The following ZNF75A variants were observed in gnomAD, a reference collection of about 807,000 sequenced individuals.
The protein encoded by ZNF75A is zinc finger protein 75A.
In ZNF75A, 36 loss-of-function variants were observed where a neutral mutation model predicts 46.3. That is an observed-to-expected ratio of 0.78 (90% confidence interval 0.60 to 1.03). The LOEUF (loss-of-function observed/expected upper bound fraction) is 1.03. Among genes scored for constraint, ZNF75A ranks in the 50% least tolerant of loss-of-function variants. The probability of loss-of-function intolerance (pLI) is 0.00; values close to 1 mark genes in which losing one functional copy is unlikely to be tolerated. For synonymous variants in ZNF75A, 234 were observed against 189.9 expected (o/e 1.23, Z -1.91); for missense variants, 595 against 551.3 (o/e 1.08, Z -0.79).
chr16:3,310,686 A>G (rs1408865320), intron 2 of ZNF75A: 4 of 985,434 alleles, frequency 4.1e-6, no homozygotes, highest in Non-Finnish European at 4.8e-6. Context: ...AAAAGAAAAC[A>G]TAGAAAAAAG....
At chr16:3,320,344 A>T (rs1363448682), downstream of ZNF75A, among the ~76,000 whole-genome samples, 2 of 152,214 alleles carry the variant, frequency 1.3e-5, no homozygotes, top group Non-Finnish European at 2.9e-5. Context: ...GCACCTGGCC[A>T]ACCTGGCCTA....
At position 3,316,642 on chromosome 16, in the gene ZNF75A, T is replaced by C. The variant is rs147327832; in HGVS notation, c.824-270T>C. The C allele has an allele frequency of 1.9e-3, 494 of 253,518 alleles. 2 individuals carry two copies. Among genetic ancestry groups the C allele is most frequent in the Admixed American group, 4.6e-3 (92 of 19,946 alleles). The allele number at this position is 253,518 out of a possible 1,614,324, so 15.7% of individuals were successfully genotyped here. On this transcript the variant is annotated intron_variant, in intron 5 of 6. Transcript: ENST00000669516. ...CCCTTGGTTGGATATAGGGTATTGA[T>C]GGCAAAAGAGAGAGAACATGTACTG...
downstream of ZNF75A, among the ~76,000 whole-genome samples, chr16:3,322,676 T>G (rs1291533249): frequency 1.3e-5 from 2 of 152,222 alleles, no homozygotes; most frequent in Non-Finnish European, 2.9e-5. Context: ...TTACAGTGTT[T>G]GGATATGATG....
chr16:3,313,161 C>T lies in ZNF75A; in HGVS notation c.809C>T (p.Thr270Ile). The change falls in exon 5 of 7, where the codon ACT (threonine) becomes ATT (isoleucine). Residue 270 changes from threonine to isoleucine, a missense_variant. Physicochemically the swap from Thr to Ile is moderately conservative, Grantham distance 89. Transcript: ENST00000669516. Reference protein sequence around the residue: ...YNDVMQENYETVISLALFVLP... With the variant: ...YNDVMQENYEIVISLALFVLP... Reference sequence around the variant, plus strand: ...GATGTAATGCAGGAAAACTATGAGACTGTCATCTCTCTAGGTAAAGATTTT... The same window carrying T: ...GATGTAATGCAGGAAAACTATGAGATTGTCATCTCTCTAGGTAAAGATTTT... The T allele has an allele frequency of 6.2e-7, 1 of 1,613,956 alleles. No homozygotes were observed. Among genetic ancestry groups the T allele is most frequent in the Non-Finnish European group, 8.5e-7 (1 of 1,179,906 alleles).
Position 3,318,151 on chromosome 16 carries a change from G to A in ZNF75A, c.*282G>A. On this transcript the variant is annotated 3_prime_UTR_variant, in exon 7 of 7. Coordinates refer to ENST00000669516, the MANE Select transcript of ZNF75A (RefSeq NM_001302109.2). ...GCATGGTCTTCCAAAACAAAAAGCA[G>A]TAACATGCATGTTTAATTGCATACC... 1 of 1,161,246 alleles carries A rather than the reference G, an allele frequency of 8.6e-7. No individual in the cohort carries two copies. Among genetic ancestry groups the A allele is most frequent in the Non-Finnish European group, 1.1e-6 (1 of 942,662 alleles). 71.9% of individuals were successfully genotyped at this position (1,161,246 alleles called of 1,614,324 possible).
downstream of ZNF75A, among the ~76,000 whole-genome samples, chr16:3,319,205 C>T (rs950916063): frequency 2.0e-5 from 3 of 152,050 alleles, no homozygotes; most frequent in Non-Finnish European, 4.4e-5. Flanking sequence ...CCTCCACCTC[C>T]CAGATTCAAG....
chr16:3,322,994 G>A (rs2030001897), downstream of ZNF75A: 9 of 913,938 alleles, frequency 9.8e-6, no homozygotes, highest in Non-Finnish European at 1.2e-5. Flanking sequence ...TTTTTCCTTG[G>A]AACTGGACTG....
chr16:3,314,010 AT>A (rs1961006356), intron 5 of ZNF75A, among the ~76,000 whole-genome samples: 2 of 152,168 alleles, frequency 1.3e-5, no homozygotes, highest in Non-Finnish European at 2.9e-5. Flanking sequence ...AATTGAGTAC[AT>A]CTAAGTTTTG....
rs1033210689 is a variant in ZNF75A, at chr16:3,318,477, C to A, written c.*608C>A. The A allele has an allele frequency of 1.0e-6, 1 of 985,350 alleles. No individual in the cohort carries two copies. The highest frequency in any genetic ancestry group is 1.7e-5 in the African/African-American group (1 of 57,322). 61.0% of individuals were successfully genotyped at this position (985,350 alleles called of 1,614,324 possible). A position where few individuals can be genotyped will look rare whatever the true frequency, so the allele number is the denominator to read the frequency against. On this transcript the variant is annotated 3_prime_UTR_variant, in exon 7 of 7. Transcript: ENST00000669516. The stretch of plus-strand genomic sequence containing the variant: ...GTGATGTTTGGAAAATAGAAGACAT[C>A]TCTAATGGAATCATGGGGGAAACGG...
At chr16:3,313,398 T>C (rs1960957555) in intron 5 of ZNF75A, among the ~76,000 whole-genome samples, 1 of 152,222 alleles carries the variant, frequency 6.6e-6, no homozygotes, top group Admixed American at 6.5e-5. Context: ...TTTCCTTCTC[T>C]TTTCCACCAA....
chr16:3,314,395 C>A (rs958686852), intron 5 of ZNF75A, among the ~76,000 whole-genome samples: 1 of 152,176 alleles, frequency 6.6e-6, no homozygotes, highest in Admixed American at 6.5e-5. Context: ...TGCCTCAGTC[C>A]CAGTTGAGCT....
At position 3,318,133 on chromosome 16, in the gene ZNF75A, C is replaced by T. The variant is rs2150833099; in HGVS notation, c.*264C>T. 1 of 1,201,406 alleles carries T rather than the reference C, an allele frequency of 8.3e-7. No homozygotes were observed. The highest frequency in any genetic ancestry group is 1.0e-6 in the Non-Finnish European group (1 of 967,858). The allele number at this position is 1,201,406 out of a possible 1,614,324, so 74.4% of individuals were successfully genotyped here. On this transcript the variant is annotated 3_prime_UTR_variant, in exon 7 of 7. Transcript: ENST00000669516. ...CCAATAGAAACATTGGCAGCATGGTCTTCCAAAACAAAAAGCAGTAACATG... is the reference window on the plus strand; with the variant it reads ...CCAATAGAAACATTGGCAGCATGGTTTTCCAAAACAAAAAGCAGTAACATG...
intron 2 of ZNF75A, chr16:3,310,738 G>A: frequency 8.1e-6 from 8 of 985,536 alleles, no homozygotes; most frequent in Non-Finnish European, 9.6e-6. Flanking sequence ...CAACAGAATA[G>A]CCAAGGACAG....
At chr16:3,320,594 C>G (rs1370654589), downstream of ZNF75A, among the ~76,000 whole-genome samples, 1 of 152,176 alleles carries the variant, frequency 6.6e-6, no homozygotes, top group East Asian at 1.9e-4. Flanking sequence ...TTCAAGGGGA[C>G]AAGGCAACCC....
chr16:3,315,446 T>C (rs1013207470), intron 5 of ZNF75A, among the ~76,000 whole-genome samples: 3 of 152,048 alleles, frequency 2.0e-5, no homozygotes, highest in African/African-American at 4.8e-5. Flanking sequence ...CCACCTGCCT[T>C]GGCCTCCCAA....
rs1438281003 is a variant in ZNF75A, at chr16:3,317,772, G to A, written c.1517G>A (p.Arg506Lys). The A allele has an allele frequency of 1.2e-6, 2 of 1,614,172 alleles. No homozygotes were observed. Among genetic ancestry groups the A allele is most frequent in the South Asian group, 1.1e-5 (1 of 91,074 alleles). Reference sequence around the variant, plus strand: ...AACTCCCACCTTATTAAACACCGGAGAACCCACACAGGTGAGCAGCCATAT... The same window carrying A: ...AACTCCCACCTTATTAAACACCGGAAAACCCACACAGGTGAGCAGCCATAT... ...SQNSHLIKHR[R>K]THTGEQPYTC... is the part of the protein sequence containing the mutation. The change falls in exon 7 of 7, where the codon AGA becomes AAA. Residue 506 changes from arginine (R) to lysine (K), a missense_variant. Transcript: ENST00000669516.
chr16:3,316,466 T>A (rs1174615803), intron 5 of ZNF75A: 1 of 152,646 alleles, frequency 6.6e-6, no homozygotes, highest in East Asian at 1.9e-4. Flanking sequence ...AAAAAGTAGC[T>A]GTAATTATAA....
At position 3,318,224 on chromosome 16, in the gene ZNF75A, C is replaced by T; in HGVS notation, c.*355C>T. ...TACCAATTTCCATAGTCTCATGAGGCCGAAATGAATTACAATGTAAAGTGT... is the reference window on the plus strand; with the variant it reads ...TACCAATTTCCATAGTCTCATGAGGTCGAAATGAATTACAATGTAAAGTGT... On this transcript the variant is annotated 3_prime_UTR_variant, in exon 7 of 7. Coordinates refer to ENST00000669516, the MANE Select transcript of ZNF75A (RefSeq NM_001302109.2). The T allele has an allele frequency of 9.9e-7, 1 of 1,010,814 alleles. No individual in the cohort carries two copies. The highest frequency in any genetic ancestry group is 1.2e-6 in the Non-Finnish European group (1 of 847,102). 62.6% of individuals were successfully genotyped at this position (1,010,814 alleles called of 1,614,324 possible). A position where few individuals can be genotyped will look rare whatever the true frequency, so the allele number is the denominator to read the frequency against.
At chr16:3,318,852 G>A, downstream of ZNF75A, 1 of 985,286 alleles carries the variant, frequency 1.0e-6, no homozygotes, top group East Asian at 1.1e-4. Context: ...GGGCACTGGT[G>A]CTAAGTGTTG....
Sources: allele counts gnomAD v4.1 joint callset (sites outside exome capture counted in the v4.1 genomes callset), GRCh38; gene constraint gnomAD v4.1.1; transcripts MANE v1.5; gene names NCBI Gene and HGNC (gene_info 2026-07-23, HGNC 2026-07-21).